Variants in LMX1B observed in about 807,000 individuals in gnomAD.
The protein encoded by LMX1B is LIM homeobox transcription factor 1 beta.
Under a neutral mutation model 51.4 loss-of-function variants are expected in LMX1B, and 12 were observed. That is an observed-to-expected ratio of 0.23 (90% CI 0.15 to 0.38). The LOEUF (loss-of-function observed/expected upper bound fraction) is 0.38. Among genes scored for constraint, LMX1B ranks in the 10% least tolerant of loss-of-function variants. The pLI is 1.00. For synonymous variants in LMX1B, 237 were observed against 235.4 expected (o/e 1.01, Z -0.06); for missense variants, 445 against 571.1 (o/e 0.78, Z 2.25).
intron 2 of LMX1B, among the ~76,000 whole-genome samples, chr9:126,670,400 T>C (rs1381800543): frequency 1.3e-5 from 2 of 152,214 alleles, no homozygotes; most frequent in Non-Finnish European, 2.9e-5. Flanking sequence ...GCATCCTTGG[T>C]GCGTATGAGC....
rs1336980 is a variant in LMX1B, at chr9:126,615,576, G to C, written c.326+7G>C. ...GCAAACAAGACTACCAACAGTAAGC[G>C]CTTCTCGTCCTCCTTCCCCGCCACC... On this transcript the variant is annotated splice_region_variant and intron_variant, in intron 2 of 7. Coordinates refer to ENST00000373474, the MANE Select transcript of LMX1B (RefSeq NM_001174147.2). This position sits in a 1 kb window ranked among gnomAD's most constrained non-coding sequence, Gnocchi z 6.0. 548,680 of 1,601,354 alleles carry C rather than the reference G, an allele frequency of 0.34. 98,592 individuals carry two copies. Among genetic ancestry groups the C allele is most frequent in the Middle Eastern group, 0.41 (2,494 of 6,030 alleles).
intron 2 of LMX1B, among the ~76,000 whole-genome samples, chr9:126,666,261 C>T (rs939358573): frequency 5.3e-5 from 8 of 152,204 alleles, no homozygotes; most frequent in African/African-American, 1.9e-4. Flanking sequence ...CCATCGAATC[C>T]AGCCTGGAAG....
chr9:126,688,090 A>G (rs1404550936), intron 2 of LMX1B, among the ~76,000 whole-genome samples: 1 of 152,176 alleles, frequency 6.6e-6, no homozygotes, highest in Non-Finnish European at 1.5e-5. Context: ...AAGTGCGCGC[A>G]GTTTGTTTTA....
intron 3 of LMX1B, 122 bp downstream of exon 3, chr9:126,691,190 T>C (rs2030117731): frequency 1.4e-6 from 1 of 693,732 alleles, no homozygotes; most frequent in Non-Finnish European, 2.5e-6. Context: ...ACACAGATGG[T>C]ACATGCATAT....
intron 2 of LMX1B, among the ~76,000 whole-genome samples, chr9:126,660,921 C>T (rs1316423805): frequency 6.6e-6 from 1 of 152,198 alleles, no homozygotes; most frequent in Non-Finnish European, 1.5e-5. Flanking sequence ...ATAGGGGACC[C>T]ACAGGCAGCT....
At chr9:126,662,047 C>G (rs1836257822) in intron 2 of LMX1B, among the ~76,000 whole-genome samples, 1 of 152,216 alleles carries the variant, frequency 6.6e-6, no homozygotes, top group Admixed American at 6.5e-5. Flanking sequence ...AGCCGAGCCC[C>G]CTGCACCCCT....
In LMX1B at chr9:126,614,113, C is replaced by A. The variant is rs1835247709; in HGVS notation, c.-337C>A. Among the ~76,000 whole-genome samples the A allele has an allele frequency of 7.0e-6, 1 of 142,430 alleles. No individual in the cohort carries two copies. Among genetic ancestry groups the A allele is most frequent in the Admixed American group, 6.9e-5 (1 of 14,458 alleles). The allele number at this position is 142,430 out of a possible 152,430, so 93.4% of individuals were successfully genotyped here. ...CCTCCCCCGCCTGCCGCCGCCGCCA[C>A]CGCCACCGCCGCCGCCGCCTCCTCC... is the stretch of plus-strand genomic sequence containing the variant. On this transcript the variant is annotated 5_prime_UTR_variant, in exon 1 of 8. Coordinates refer to ENST00000373474, the MANE Select transcript of LMX1B (RefSeq NM_001174147.2).
chr9:126,691,708 C>T (rs554972312), intron 3 of LMX1B, among the ~76,000 whole-genome samples: 56 of 152,312 alleles, frequency 3.7e-4, no homozygotes, highest in African/African-American at 1.3e-3. Flanking sequence ...CTGGGGATGC[C>T]TGAGAGGCAG....
Position 126,614,421 on chromosome 9 carries a change from G to A in LMX1B, c.-29G>A. 9.0e-6 allele frequency: 13 copies of A among 1,444,172 alleles called. No individual in the cohort carries two copies. Among genetic ancestry groups the A allele is most frequent in the Non-Finnish European group, 1.2e-5 (13 of 1,094,226 alleles). 89.5% of individuals were successfully genotyped at this position (1,444,172 alleles called of 1,614,324 possible). A position where few individuals can be genotyped will look rare whatever the true frequency, so the allele number is the denominator to read the frequency against. ...GGGCCGGCGGGCGAGCAGCCCGGCC[G>A]GCGGGGTCCGCAGCGCGCCCCGCGT... On this transcript the variant is annotated 5_prime_UTR_variant, in exon 1 of 8. Transcript: ENST00000373474.
chr9:126,696,159 T>A, intron 7 of LMX1B, 135 bp from the exon 8 acceptor site: 3 of 1,159,178 alleles, frequency 2.6e-6, no homozygotes, highest in Non-Finnish European at 3.8e-6. Context: ...AGGGCCCCAG[T>A]CCTTCTTGGC....
Position 126,636,909 on chromosome 9 carries a change from G to A in LMX1B, c.326+21340G>A, listed in dbSNP as rs1243649482. On this transcript the variant is annotated intron_variant, in intron 2 of 7. Transcript: ENST00000373474. ...TGCGAGTGTGTCTCTAGAGATGTAT[G>A]TGCACATGACAAGTGGTGAGGTGGC... Among the ~76,000 whole-genome samples the A allele has an allele frequency of 4.6e-5, 7 of 152,198 alleles. No homozygotes were observed. The East Asian group carries it at 1.2e-3, about 25-fold the overall frequency.
At chr9:126,656,383 T>TTAGATAGATAGATAGATAGA (rs3052900) in intron 2 of LMX1B, among the ~76,000 whole-genome samples, 2 of 143,848 alleles carry the variant, frequency 1.4e-5, no homozygotes, top group Non-Finnish European at 3.0e-5. Context: ...GATCTGGTCT[T>TTAGATAGATAGATAGATAGA]TAGATAGATA....
chr9:126,675,735 T>TAA lies in LMX1B; in HGVS notation c.327-15088_327-15087dup, dbSNP rs60919726. Among the ~76,000 whole-genome samples, 893 of 91,216 alleles carry TAA rather than the reference T, an allele frequency of 9.8e-3. 4 individuals are homozygous for TAA. In the Middle Eastern group the frequency reaches 0.11, roughly 11 times the overall value. The allele number at this position is 91,216 out of a possible 152,430, so 59.8% of individuals were successfully genotyped here. ...CAAGACTCCATCTCAAAAAAAAAAT[T>TAA]AAAAAAAAAAAAAAGATAAAAAATG... is the stretch of plus-strand genomic sequence containing the variant. On this transcript the variant is annotated intron_variant, in intron 2 of 7. Coordinates refer to ENST00000373474, the MANE Select transcript of LMX1B (RefSeq NM_001174147.2).
rs1177385336 is a variant in LMX1B at position 126,615,649 on chromosome 9, C to A, written c.326+80C>A. ...GCCCCCTGCCGGGCCCGGCCCGCGC[C>A]CGCTCTGCCGCCGGCTCTGTGCGCG... On this transcript the variant is annotated intron_variant, in intron 2 of 7. Transcript: ENST00000373474. The surrounding 1 kb of genome is among the most constrained non-coding windows in gnomAD (Gnocchi z 6.0). 8.9e-6 allele frequency: 12 copies of A among 1,341,042 alleles called. No individual in the cohort carries two copies. The highest frequency in any genetic ancestry group is 1.1e-5 in the Non-Finnish European group (11 of 975,834). The allele number at this position is 1,341,042 out of a possible 1,614,324, so 83.1% of individuals were successfully genotyped here. A position where few individuals can be genotyped will look rare whatever the true frequency, so the allele number is the denominator to read the frequency against.
intron 2 of LMX1B, among the ~76,000 whole-genome samples, chr9:126,681,378 C>T (rs1359373967): frequency 6.6e-6 from 1 of 152,180 alleles, no homozygotes; most frequent in Non-Finnish European, 1.5e-5. Context: ...GACGCCATGT[C>T]CTCTAGTGGC....
chr9:126,615,873 G>A lies in LMX1B; in HGVS notation c.326+304G>A, dbSNP rs1183609996. ...CTGGGATATAGGGTCTGGCGCTACG[G>A]AGGCCTGAATTGGGAACCCAAAATT... On this transcript the variant is annotated intron_variant, in intron 2 of 7. Coordinates refer to ENST00000373474, the MANE Select transcript of LMX1B (RefSeq NM_001174147.2). The surrounding 1 kb of genome is among the most constrained non-coding windows in gnomAD (Gnocchi z 6.0). Among the ~76,000 whole-genome samples, 1 of 152,238 alleles carries A rather than the reference G, an allele frequency of 6.6e-6. No individual in the cohort carries two copies. The highest frequency in any genetic ancestry group is 1.5e-5 in the Non-Finnish European group (1 of 68,034).
In LMX1B at chr9:126,684,470, G is replaced by C. The variant is rs543657946; in HGVS notation, c.327-6366G>C. On this transcript the variant is annotated intron_variant, in intron 2 of 7. Coordinates refer to ENST00000373474, the MANE Select transcript of LMX1B (RefSeq NM_001174147.2). Reference sequence around the variant, plus strand: ...AATCACCAGATTCTCAATTACCAGGGAGGGACAGGTCAAACCCCCATTTGA... The same window carrying C: ...AATCACCAGATTCTCAATTACCAGGCAGGGACAGGTCAAACCCCCATTTGA... 5.9e-5 allele frequency among the ~76,000 whole-genome samples: 9 copies of C among 152,318 alleles called. No individual in the cohort carries two copies. In the South Asian group the frequency reaches 1.9e-3, roughly 32 times the overall value.
chr9:126,675,701 G>A (rs1836541212), intron 2 of LMX1B, among the ~76,000 whole-genome samples: 2 of 148,642 alleles, frequency 1.3e-5, no homozygotes, highest in Non-Finnish European at 3.0e-5. Flanking sequence ...CTCCAGCCTG[G>A]CGACAGAGCA....
At chr9:126,627,683 G>A (rs1413468616) in intron 2 of LMX1B, among the ~76,000 whole-genome samples, 3 of 152,152 alleles carry the variant, frequency 2.0e-5, no homozygotes, top group Non-Finnish European at 4.4e-5. Context: ...AGTGACCACA[G>A]TTGAGTGCAG....
Sources: gnomAD v4.1 joint callset for allele counts (sites outside exome capture counted in the v4.1 genomes callset) on GRCh38, gnomAD v4.1.1 for gene constraint, Gnocchi (gnomAD v3.1) non-coding constraint, MANE v1.5 for transcripts, NCBI Gene and HGNC (gene_info 2026-07-23, HGNC 2026-07-21) for gene names.